Variants in CNDP1 observed in about 807,000 individuals in gnomAD.
The protein encoded by CNDP1 is carnosine dipeptidase 1.
A neutral mutation model predicts 58.1 loss-of-function variants in CNDP1; 44 were observed. The ratio of observed to expected loss-of-function variants is 0.76; its 90% CI spans 0.60 to 0.97. The LOEUF (loss-of-function observed/expected upper bound fraction) is 0.97, where lower values mean the gene tolerates loss of function less well. Ranked by LOEUF, CNDP1 falls within the 50% of genes least tolerant of loss-of-function variation. The pLI is 0.00. For synonymous variants in CNDP1, 254 were observed against 252.6 expected (o/e 1.01, Z -0.05); for missense variants, 616 against 655.1 (o/e 0.94, Z 0.65).
At position 74,534,945 on chromosome 18, in the gene CNDP1, T is replaced by A. The variant is rs1169811761; in HGVS notation, c.24+254T>A. The stretch of plus-strand genomic sequence containing the variant: ...TGGCATTATTGTCAAGTAGTTCATA[T>A]TCAAATTGTTCATGAACTCAGTCTT... On this transcript the variant is annotated intron_variant, in intron 1 of 11. Transcript: ENST00000358821. Among the ~76,000 whole-genome samples the A allele has an allele frequency of 2.6e-5, 4 of 152,268 alleles. No individual in the cohort carries two copies. The East Asian group carries it at 7.7e-4, about 29-fold the overall frequency.
intron 1 of CNDP1, among the ~76,000 whole-genome samples, chr18:74,547,053 C>T (rs770133549): frequency 1.3e-5 from 2 of 152,218 alleles, no homozygotes; most frequent in Non-Finnish European, 2.9e-5. Context: ...TGGGGACTTG[C>T]CGCCACAGTG....
rs1981843540 is a variant in CNDP1, at chr18:74,583,681, A to G, written c.1430A>G (p.Glu477Gly). 1 of 1,614,032 alleles carries G rather than the reference A, an allele frequency of 6.2e-7. No individual in the cohort carries two copies. The highest frequency in any genetic ancestry group is 8.5e-7 in the Non-Finnish European group (1 of 1,180,022). Residue 477 changes from glutamate to glycine, a missense_variant, in exon 11 of 12, where the codon GAA becomes GGA. Glu to Gly is a moderately conservative substitution (Grantham distance 98). Coordinates refer to ENST00000358821, the MANE Select transcript of CNDP1 (RefSeq NM_032649.6). ...CCGCTGGGAGCTGTTGATGATGGAG[A>G]ACATTCGCAGAATGAGAAAATCAAC... The part of the protein sequence containing the change: ...LIPLGAVDDG[E>G]HSQNEKINRW...
intron 9 of CNDP1, among the ~76,000 whole-genome samples, chr18:74,578,803 G>A (rs1981701024): frequency 6.6e-6 from 1 of 152,176 alleles, no homozygotes; most frequent in Admixed American, 6.5e-5. Flanking sequence ...TGCTTGGACA[G>A]AAGCAGAAAG....
chr18:74,575,833 G>T (rs1334701448), intron 7 of CNDP1, among the ~76,000 whole-genome samples: 2 of 133,120 alleles, frequency 1.5e-5, no homozygotes, highest in Non-Finnish European at 3.1e-5. Flanking sequence ...GTGTATACAT[G>T]TGTGTGTGTG....
At chr18:74,565,287 T>C (rs1299435930) in intron 5 of CNDP1, among the ~76,000 whole-genome samples, 1 of 152,168 alleles carries the variant, frequency 6.6e-6, no homozygotes, top group Non-Finnish European at 1.5e-5. Context: ...ATTCCACCCC[T>C]GGCCCCTCCA....
intron 5 of CNDP1, among the ~76,000 whole-genome samples, chr18:74,566,826 A>G (rs576876329): frequency 6.6e-6 from 1 of 152,276 alleles, no homozygotes; most frequent in Non-Finnish European, 1.5e-5. Context: ...TTCAGCAACA[A>G]CCCACTCTAC....
Position 74,577,013 on chromosome 18 carries a change from T to G in CNDP1, c.986T>G (p.Phe329Cys). Residue 329 changes from phenylalanine to cysteine, a missense_variant, in exon 8 of 12, where the codon TTT (phenylalanine) becomes TGT (cysteine). Physicochemically the swap from Phe to Cys is radical, Grantham distance 205. Coordinates refer to ENST00000358821, the MANE Select transcript of CNDP1 (RefSeq NM_032649.6). ...EYRNSSRVEK[F>C]LFDTKEEILM... is the part of the protein sequence containing the mutation. Reference sequence around the variant, plus strand: ...CGGAATAGCAGCCGGGTTGAGAAATTTCTGTTCGATACTAAGGTATGGCCA... The same window carrying G: ...CGGAATAGCAGCCGGGTTGAGAAATGTCTGTTCGATACTAAGGTATGGCCA... 1.2e-6 allele frequency: 2 copies of G among 1,612,598 alleles called. No homozygotes were observed. Among genetic ancestry groups the G allele is most frequent in the Non-Finnish European group, 1.7e-6 (2 of 1,179,308 alleles).
chr18:74,540,170 T>C (rs2144638235), intron 1 of CNDP1, among the ~76,000 whole-genome samples: 1 of 151,660 alleles, frequency 6.6e-6, no homozygotes, highest in South Asian at 2.1e-4. Context: ...TTTTTTTTTT[T>C]TTTTTGAGAC....
At chr18:74,541,597 A>G (rs551674358) in intron 1 of CNDP1, among the ~76,000 whole-genome samples, 10 of 152,154 alleles carry the variant, frequency 6.6e-5, no homozygotes, top group Admixed American at 2.6e-4. Context: ...TATGGGAGGG[A>G]GCCTGGGTGG....
chr18:74,572,253 T>G (rs955564867), intron 7 of CNDP1, among the ~76,000 whole-genome samples: 5 of 152,138 alleles, frequency 3.3e-5, no homozygotes, highest in African/African-American at 1.2e-4. Context: ...TCAGGCTCAA[T>G]TCACCTACAG....
intron 6 of CNDP1, 91 bp from the exon 7 acceptor site, chr18:74,571,095 C>A: frequency 2.5e-6 from 2 of 809,978 alleles, no homozygotes; most frequent in African/African-American, 1.7e-5. Context: ...TTCTGAGGGA[C>A]ACACGCAGAT....
At chr18:74,564,518 C>T (rs947551354) in intron 5 of CNDP1, among the ~76,000 whole-genome samples, 4 of 152,124 alleles carry the variant, frequency 2.6e-5, no homozygotes, top group South Asian at 2.1e-4. Flanking sequence ...AAAATTATCC[C>T]GAGGCTTAAC....
chr18:74,545,174 T>C lies in CNDP1; in HGVS notation c.24+10483T>C, dbSNP rs1980727592. ...TGTTTGGCCCCCGGTTTGGGATGCT[T>C]TGTTCCAGCAGCCTGAGGAAGCTAG... is the stretch of plus-strand genomic sequence containing the variant. On this transcript the variant is annotated intron_variant, in intron 1 of 11. Transcript: ENST00000358821. The surrounding 1 kb of genome is among the most constrained non-coding windows in gnomAD (Gnocchi z 4.1). Among the ~76,000 whole-genome samples, 1 of 152,154 alleles carries C rather than the reference T, an allele frequency of 6.6e-6. No individual in the cohort carries two copies. Among genetic ancestry groups the C allele is most frequent in the Admixed American group, 6.5e-5 (1 of 15,282 alleles).
At chr18:74,540,658 C>T (rs1452149553) in intron 1 of CNDP1, among the ~76,000 whole-genome samples, 1 of 152,192 alleles carries the variant, frequency 6.6e-6, no homozygotes, top group Non-Finnish European at 1.5e-5. Context: ...TGTGTGATCC[C>T]AGGCAGTCTC....
intron 1 of CNDP1, among the ~76,000 whole-genome samples, chr18:74,549,239 G>A (rs1980837811): frequency 6.6e-6 from 1 of 152,156 alleles, no homozygotes; most frequent in Admixed American, 6.5e-5. Flanking sequence ...ACAAAATGTA[G>A]TAATTTTCAA....
At chr18:74,580,086 A>C in intron 9 of CNDP1, 44 bp from the exon 10 acceptor site, 3 of 1,568,818 alleles carry the variant, frequency 1.9e-6, no homozygotes, top group Non-Finnish European at 2.6e-6. Flanking sequence ...GTATGAGAGA[A>C]TAACTTGACA....
chr18:74,579,179 T>TC lies in CNDP1; in HGVS notation c.1167+852_1167+853insC, dbSNP rs1981712772. Among the ~76,000 whole-genome samples the TC allele has an allele frequency of 2.3e-5, 3 of 131,850 alleles. No homozygotes were observed. The Admixed American group carries it at 2.4e-4, about 10-fold the overall frequency. 86.5% of individuals were successfully genotyped at this position (131,850 alleles called of 152,430 possible). On this transcript the variant is annotated intron_variant, in intron 9 of 11. Coordinates refer to ENST00000358821, the MANE Select transcript of CNDP1 (RefSeq NM_032649.6). ...CTCTCCTCCCTCTCTCCCTTCTCCC[T>TC]TCTCCCTTTCCTTCCCTTCCCTTGC...
At position 74,585,190 on chromosome 18, in the gene CNDP1, A is replaced by T. The variant is rs1433171993; in HGVS notation, c.*628A>T. The T allele has an allele frequency of 6.6e-6, 1 of 151,994 alleles. No homozygotes were observed. The highest frequency in any genetic ancestry group is 6.6e-5 in the Admixed American group (1 of 15,254). 9.4% of individuals were successfully genotyped at this position (151,994 alleles called of 1,614,324 possible). ...ATTTGGGAGTCCTTGTGCAAAGATG[A>T]GTATTTTTTTTTTTATTCCAAGCTT... On this transcript the variant is annotated 3_prime_UTR_variant, in exon 12 of 12. Coordinates refer to ENST00000358821, the MANE Select transcript of CNDP1 (RefSeq NM_032649.6).
chr18:74,570,375 G>A (rs2144664805), intron 6 of CNDP1, among the ~76,000 whole-genome samples: 1 of 152,250 alleles, frequency 6.6e-6, no homozygotes, highest in African/African-American at 2.4e-5. Context: ...TTTGATCTGG[G>A]CAGAGCCTTT....
Sources: gnomAD v4.1 joint callset for allele counts (sites outside exome capture counted in the v4.1 genomes callset) on GRCh38, gnomAD v4.1.1 for gene constraint, Gnocchi (gnomAD v3.1) non-coding constraint, MANE v1.5 for transcripts, NCBI Gene and HGNC (gene_info 2026-07-23, HGNC 2026-07-21) for gene names.